CNNM2: variants seen among roughly 807,000 people sequenced by gnomAD.
The protein encoded by CNNM2 is cyclin and CBS domain divalent metal cation transport mediator 2.
Under a neutral mutation model 66.9 loss-of-function variants are expected in CNNM2, and 12 were observed. The observed-to-expected ratio is 0.18, with a 90% CI of 0.11 to 0.29. The LOEUF (loss-of-function observed/expected upper bound fraction) is 0.29, where lower values mean the gene tolerates loss of function less well. CNNM2 is among the 10% of genes least tolerant of loss of function. The pLI is 1.00. For synonymous variants in CNNM2, 557 were observed against 501.8 expected, an observed-to-expected ratio of 1.11 and a Z score of -1.47; for missense variants, 705 against 1,167.7, an observed-to-expected ratio of 0.60 and a Z score of 5.77.
At chr10:102,980,954 C>G (rs1410113066) in intron 1 of CNNM2, among the ~76,000 whole-genome samples, 4 of 152,166 alleles carry the variant, frequency 2.6e-5, no homozygotes, top group African/African-American at 9.7e-5. Context: ...TCAGGTTATG[C>G]ATCAGTTCTT....
intron 1 of CNNM2, among the ~76,000 whole-genome samples, chr10:103,023,592 T>TG (rs1430816951): frequency 6.6e-6 from 1 of 152,074 alleles, no homozygotes; most frequent in African/African-American, 2.4e-5. Context: ...CAACACCAAC[T>TG]GAATAGCACT....
intron 1 of CNNM2, among the ~76,000 whole-genome samples, chr10:102,969,774 G>C (rs1223253963): frequency 6.6e-6 from 1 of 151,984 alleles, no homozygotes; most frequent in Non-Finnish European, 1.5e-5. Flanking sequence ...CTCCCGAGTA[G>C]CTGGGATTAC....
intron 1 of CNNM2, among the ~76,000 whole-genome samples, chr10:102,954,650 C>T (rs561831631): frequency 1.3e-5 from 2 of 152,158 alleles, no homozygotes; most frequent in East Asian, 1.9e-4. Flanking sequence ...TACAGCAATG[C>T]AATCCAGGTC....
Position 102,944,581 on chromosome 10 carries a change from CGTGTGTGTGT to C in CNNM2, c.1621+24507_1621+24516del, listed in dbSNP as rs148795286. The stretch of plus-strand genomic sequence containing the variant: ...ATATTTTGCCATATTTGTATCTTTT[CGTGTGTGTGT>C]GTGTGTGTGTGTGTGTGTGTGTGTG... On this transcript the variant is annotated intron_variant, in intron 1 of 7. Transcript: ENST00000369878. Among the ~76,000 whole-genome samples the C allele has an allele frequency of 2.4e-4, 35 of 143,486 alleles. No homozygotes were observed. In the East Asian group the frequency reaches 4.3e-3, roughly 18 times the overall value. 94.1% of individuals were successfully genotyped at this position (143,486 alleles called of 152,430 possible).
At chr10:102,950,411 T>A (rs573417820) in intron 1 of CNNM2, among the ~76,000 whole-genome samples, 6 of 152,362 alleles carry the variant, frequency 3.9e-5, no homozygotes, top group Non-Finnish European at 8.8e-5. Flanking sequence ...ATGTATTTTT[T>A]AATATGTAGT....
In CNNM2 at chr10:103,035,377, C is replaced by T. The variant is rs11191527; in HGVS notation, c.1622-14330C>T. Among the ~76,000 whole-genome samples the T allele has an allele frequency of 0.14, 21,084 of 152,100 alleles. 1,638 individuals carry two copies. The highest frequency in any genetic ancestry group is 0.19 in the East Asian group (995 of 5,164). On this transcript the variant is annotated intron_variant, in intron 1 of 7. Coordinates refer to ENST00000369878, the MANE Select transcript of CNNM2 (RefSeq NM_017649.5). ...TGTCTTAGCCATGTTTTCCATTGCC[C>T]ATCACTTACTAGGGAAACATTCCAA...
chr10:102,935,774 CTTTTTTTTTTTTT>C (rs34196326), intron 1 of CNNM2, among the ~76,000 whole-genome samples: 2 of 77,994 alleles, frequency 2.6e-5, no homozygotes, highest in Admixed American at 3.2e-4. Flanking sequence ...CTGCACCTGG[CTTTTTTTTTTTTT>C]TTTTTTTTTT....
chr10:103,014,020 T>G (rs1480620207), intron 1 of CNNM2, among the ~76,000 whole-genome samples: 1 of 152,192 alleles, frequency 6.6e-6, no homozygotes, highest in Non-Finnish European at 1.5e-5. Context: ...CATTCCAAAT[T>G]GTAAGAAACA....
rs779957362 is a variant in CNNM2 at position 102,977,250 on chromosome 10, AT to A, written c.1621+57158del. On this transcript the variant is annotated intron_variant, in intron 1 of 7. Coordinates refer to ENST00000369878, the MANE Select transcript of CNNM2 (RefSeq NM_017649.5). ...GTATGTTTGGGAACAAGCATTTTGG[AT>A]TTTTTTTTAAAGGTTTTGGTATATT... 1.2e-3 allele frequency among the ~76,000 whole-genome samples: 179 copies of A among 151,358 alleles called. 1 individual carries two copies. The highest frequency in any genetic ancestry group is 5.2e-3 in the Admixed American group (79 of 15,170).
chr10:103,049,965 T>A (rs1292843182), intron 2 of CNNM2, 115 bp downstream of exon 2: 2 of 993,480 alleles, frequency 2.0e-6, no homozygotes, highest in Non-Finnish European at 3.0e-6. Context: ...ACACATGATG[T>A]GTGTAGGCCG....
intron 1 of CNNM2, among the ~76,000 whole-genome samples, chr10:102,929,894 T>A (rs576269499): frequency 6.6e-6 from 1 of 152,234 alleles, no homozygotes; most frequent in African/African-American, 2.4e-5. Flanking sequence ...TAACACTGAT[T>A]GCATAAAAAG....
chr10:103,047,451 AAG>A (rs1450095977), intron 1 of CNNM2, among the ~76,000 whole-genome samples: 1 of 152,168 alleles, frequency 6.6e-6, no homozygotes, highest in Admixed American at 6.5e-5. Context: ...CAACAAAACA[AAG>A]AGGATGTTGT....
intron 1 of CNNM2, among the ~76,000 whole-genome samples, chr10:102,949,177 CATTT>C (rs987781312): frequency 2.0e-5 from 3 of 151,946 alleles, no homozygotes; most frequent in Admixed American, 6.6e-5. Context: ...CACTAGATAC[CATTT>C]ATTTATTTAT....
At chr10:102,929,606 T>C (rs1230655812) in intron 1 of CNNM2, among the ~76,000 whole-genome samples, 1 of 152,230 alleles carries the variant, frequency 6.6e-6, no homozygotes, top group East Asian at 1.9e-4. Context: ...GGTTCTACTT[T>C]CCTTAGAGTA....
At position 103,089,961 on chromosome 10, in the gene CNNM2, T is replaced by G. The variant is rs2066271597; in HGVS notation, c.*12781T>G. 7 of 1,449,918 alleles carry G rather than the reference T, an allele frequency of 4.8e-6. No homozygotes were observed. Among genetic ancestry groups the G allele is most frequent in the Non-Finnish European group, 6.5e-6 (7 of 1,071,036 alleles). 89.8% of individuals were successfully genotyped at this position (1,449,918 alleles called of 1,614,324 possible). ...AAAGCAGGCAGAGCAAAGTAGCTAC[T>G]CCCCAAATCCTAACCCCTCTCCTCT... On this transcript the variant is annotated 3_prime_UTR_variant, in exon 8 of 8. Coordinates refer to ENST00000369878, the MANE Select transcript of CNNM2 (RefSeq NM_017649.5).
At chr10:102,929,185 A>G (rs980190891) in intron 1 of CNNM2, among the ~76,000 whole-genome samples, 2 of 152,090 alleles carry the variant, frequency 1.3e-5, no homozygotes, top group African/African-American at 4.8e-5. Context: ...GCTTGAACCC[A>G]GGGGGCTGAG....
At position 103,083,107 on chromosome 10, in the gene CNNM2, C is replaced by T. The variant is rs1279532128; in HGVS notation, c.*5927C>T. 6.6e-6 allele frequency: 1 copy of T among 152,198 alleles called. No homozygotes were observed. The highest frequency in any genetic ancestry group is 1.9e-4 in the East Asian group (1 of 5,196). The allele number at this position is 152,198 out of a possible 1,614,324, so 9.4% of individuals were successfully genotyped here. ...TGCTTTGTGTCTGACTTTGATCCTC[C>T]TCAGCCTTTATTCACTGTATCATAG... On this transcript the variant is annotated 3_prime_UTR_variant, in exon 8 of 8. Transcript: ENST00000369878.
chr10:103,049,754 G>A lies in CNNM2; in HGVS notation c.1669G>A (p.Gly557Arg). 6.2e-7 allele frequency: 1 copy of A among 1,613,780 alleles called. No homozygotes were observed. Among genetic ancestry groups the A allele is most frequent in the East Asian group, 2.2e-5 (1 of 44,884 alleles). ...IVQRVNNEGEGDPFYEVLGIV... is the reference protein window; with the variant it reads ...IVQRVNNEGERDPFYEVLGIV... The stretch of plus-strand genomic sequence containing the variant: ...GCAGCGGGTAAACAATGAGGGAGAA[G>A]GGGATCCATTTTATGAAGTTCTGGG... Residue 557 changes from glycine to arginine, a missense_variant, in exon 2 of 8, where the codon GGG becomes AGG. Physicochemically the swap from Gly to Arg is moderately radical, Grantham distance 125. Transcript: ENST00000369878.
At chr10:103,053,494 C>A (rs2065248578) in intron 2 of CNNM2, among the ~76,000 whole-genome samples, 1 of 152,074 alleles carries the variant, frequency 6.6e-6, no homozygotes, top group South Asian at 2.1e-4. Flanking sequence ...CCAGCCTGGG[C>A]AATAGAGCAA....
Sources: gnomAD v4.1 joint callset for allele counts (sites outside exome capture counted in the v4.1 genomes callset) on GRCh38, gnomAD v4.1.1 for gene constraint, MANE v1.5 for transcripts, NCBI Gene and HGNC (gene_info 2026-07-23, HGNC 2026-07-21) for gene names.